The following RIC1 variants were observed in gnomAD, a reference collection of about 807,000 sequenced individuals.
RIC1 encodes the protein RIC1 partner of RAB6A GEF complex, also known as guanine nucleotide exchange factor subunit RIC1.
A neutral mutation model predicts 169.0 loss-of-function variants in RIC1; 88 were observed. That is an observed-to-expected ratio of 0.52 (90% CI 0.44 to 0.62). The LOEUF (loss-of-function observed/expected upper bound fraction) is 0.62. Ranked by LOEUF, RIC1 falls within the 20% of genes least tolerant of loss-of-function variation. The pLI is 0.00. For missense variants in RIC1, 1,877 were observed against 1,725.5 expected, an observed-to-expected ratio of 1.09 and a Z score of -1.56; for synonymous variants, 790 against 601.5, an observed-to-expected ratio of 1.31 and a Z score of -4.59.
intron 2 of RIC1, among the ~76,000 whole-genome samples, chr9:5,667,706 C>T (rs752176069): frequency 5.9e-5 from 9 of 151,946 alleles, no homozygotes; most frequent in African/African-American, 1.7e-4. Flanking sequence ...GATCTCACTA[C>T]GTTGGCCAGG....
rs1279740452 is a variant in RIC1, at chr9:5,769,000, C to T, written c.3168C>T (p.Asn1056=). ...GCAAAGACAGTGACTGTGCTGAGAA[C>T]ATGTATATTGACATGATGCTCTGGA... The part of the protein sequence containing the change: ...RWSKDSDCAE[N]MYIDMMLWRH... The change falls in exon 22 of 26, where the codon AAC becomes AAT. Residue 1056 remains asparagine, a synonymous_variant. Transcript: ENST00000414202. 6.2e-7 allele frequency: 1 copy of T among 1,613,364 alleles called. No individual in the cohort carries two copies. The highest frequency in any genetic ancestry group is 2.2e-5 in the East Asian group (1 of 44,866).
At chr9:5,702,981 C>G (rs771194535) in intron 3 of RIC1, among the ~76,000 whole-genome samples, 28 of 152,164 alleles carry the variant, frequency 1.8e-4, no homozygotes, top group Admixed American at 7.2e-4. Flanking sequence ...TACAATTTGA[C>G]ATAAGATTTG....
chr9:5,749,367 T>A (rs1393245536), intron 12 of RIC1, among the ~76,000 whole-genome samples: 1 of 152,208 alleles, frequency 6.6e-6, no homozygotes, highest in African/African-American at 2.4e-5. Flanking sequence ...CAGTATACAG[T>A]GTCTATATAA....
intron 2 of RIC1, among the ~76,000 whole-genome samples, chr9:5,657,424 A>G (rs975134791): frequency 1.3e-5 from 2 of 152,138 alleles, no homozygotes; most frequent in Non-Finnish European, 2.9e-5. Context: ...GATGAGTACA[A>G]TTGTAATCAG....
intron 12 of RIC1, among the ~76,000 whole-genome samples, chr9:5,750,066 C>T (rs1180636367): frequency 2.0e-5 from 3 of 149,860 alleles, no homozygotes; most frequent in Admixed American, 6.6e-5. Context: ...CGTGAGCCAC[C>T]GCACCCAGCC....
Position 5,773,011 on chromosome 9 carries a change from T to A in RIC1, c.3914T>A (p.Val1305Glu). ...QILVITQSSE[V>E]DGEMLQNIKT... is the part of the protein sequence containing the mutation. ...TTGGTTATTACACAGTCTTCAGAGG[T>A]AGATGGAGAGATGTTACAGAACATA... Residue 1305 changes from valine (V) to glutamate (E), a missense_variant, in exon 25 of 26, where the codon GTA (valine) becomes GAA (glutamate). By Grantham distance (121) the Val-to-Glu change is moderately radical. Coordinates refer to ENST00000414202, the MANE Select transcript of RIC1 (RefSeq NM_020829.4). 6.2e-7 allele frequency: 1 copy of A among 1,613,516 alleles called. No homozygotes were observed. The highest frequency in any genetic ancestry group is 1.1e-5 in the South Asian group (1 of 91,060).
At chr9:5,750,784 C>G (rs373696967) in intron 12 of RIC1, among the ~76,000 whole-genome samples, 4 of 151,692 alleles carry the variant, frequency 2.6e-5, no homozygotes, top group East Asian at 3.9e-4. Flanking sequence ...CACTGATCAG[C>G]TGCCTCTTCC....
At chr9:5,773,936 A>G (rs1563730482) in intron 25 of RIC1, 22 bp from the exon 26 acceptor site, 3 of 1,540,124 alleles carry the variant, frequency 1.9e-6, no homozygotes, top group Non-Finnish European at 1.7e-6. Flanking sequence ...CAGATGAGCT[A>G]ATGTTTTTTT....
At chr9:5,652,914 G>A (rs967359453) in intron 1 of RIC1, among the ~76,000 whole-genome samples, 6 of 152,132 alleles carry the variant, frequency 3.9e-5, no homozygotes, top group Non-Finnish European at 5.9e-5. Flanking sequence ...GTCAAGAATA[G>A]ATGTTGAGTT....
intron 4 of RIC1, among the ~76,000 whole-genome samples, chr9:5,714,459 C>T (rs1019592455): frequency 6.6e-6 from 1 of 152,104 alleles, no homozygotes; most frequent in Non-Finnish European, 1.5e-5. Context: ...TACCAGAATA[C>T]CAAAAATCTA....
At chr9:5,649,880 TAGGGC>T (rs2130390538) in intron 1 of RIC1, among the ~76,000 whole-genome samples, 1 of 152,214 alleles carries the variant, frequency 6.6e-6, no homozygotes, top group African/African-American at 2.4e-5. Flanking sequence ...GTTGGTTGGG[TAGGGC>T]ACCTTGTCTT....
intron 2 of RIC1, among the ~76,000 whole-genome samples, chr9:5,689,044 C>CTT (rs34717277): frequency 0.37 from 37,079 of 98,972 alleles, 9,081 homozygotes; most frequent in East Asian, 0.54. Flanking sequence ...AATACAATTT[C>CTT]TTTTTTTTTT....
At chr9:5,642,865 G>T (rs182713812) in intron 1 of RIC1, among the ~76,000 whole-genome samples, 13 of 152,130 alleles carry the variant, frequency 8.5e-5, no homozygotes, top group Admixed American at 6.5e-4. Context: ...ATGACTTTTG[G>T]CCTGTTCTCA....
At chr9:5,708,496 C>A (rs1822738095) in intron 3 of RIC1, among the ~76,000 whole-genome samples, 1 of 152,026 alleles carries the variant, frequency 6.6e-6, no homozygotes, top group Non-Finnish European at 1.5e-5. Flanking sequence ...TTTTGTTTAT[C>A]TGGAAATTCA....
chr9:5,671,714 C>T (rs889218237), intron 2 of RIC1, among the ~76,000 whole-genome samples: 1 of 152,138 alleles, frequency 6.6e-6, no homozygotes, highest in African/African-American at 2.4e-5. Flanking sequence ...AAGGACTAAG[C>T]CCCCATTCCT....
intron 21 of RIC1, among the ~76,000 whole-genome samples, chr9:5,766,702 T>G (rs1031723030): frequency 6.6e-6 from 1 of 152,244 alleles, no homozygotes; most frequent in East Asian, 1.9e-4. Context: ...CTGAGTAGTA[T>G]TCCATCATAT....
chr9:5,763,401 G>A lies in RIC1; in HGVS notation c.2374G>A (p.Val792Ile). The A allele has an allele frequency of 6.2e-7, 1 of 1,614,158 alleles. No individual in the cohort carries two copies. Among genetic ancestry groups the A allele is most frequent in the Non-Finnish European group, 8.5e-7 (1 of 1,180,022 alleles). The change falls in exon 19 of 26, where the codon GTC becomes ATC. Residue 792 changes from valine (V) to isoleucine (I), a missense_variant. Transcript: ENST00000414202. This position sits in a 1 kb window ranked among gnomAD's most constrained non-coding sequence, Gnocchi z 5.2. The stretch of plus-strand genomic sequence containing the variant: ...TGAAGATGCTTTAGTCCTTGGTGCT[G>A]TCAATGACACTTTGCTCTATGATTC... ...LFEDALVLGA[V>I]NDTLLYDSLY... is the part of the protein sequence containing the mutation.
chr9:5,652,688 T>C (rs967672605), intron 1 of RIC1, among the ~76,000 whole-genome samples: 2 of 151,374 alleles, frequency 1.3e-5, no homozygotes, highest in Non-Finnish European at 2.9e-5. Context: ...TTGGATACTT[T>C]TTATTCTTTT....
intron 21 of RIC1, among the ~76,000 whole-genome samples, chr9:5,767,665 G>A (rs1029119765): frequency 6.6e-6 from 1 of 152,182 alleles, no homozygotes; most frequent in East Asian, 1.9e-4. Flanking sequence ...TCGGCTCATC[G>A]CAATCTCCGC....
Sources: gnomAD v4.1 joint callset for allele counts (sites outside exome capture counted in the v4.1 genomes callset) on GRCh38, gnomAD v4.1.1 for gene constraint, Gnocchi (gnomAD v3.1) non-coding constraint, MANE v1.5 for transcripts, NCBI Gene and HGNC (gene_info 2026-07-23, HGNC 2026-07-21) for gene names.